Variants in MYOC observed in about 807,000 individuals in gnomAD.
The protein encoded by MYOC is myocilin, also known as juvenile-onset open-angle glaucoma 1.
A neutral mutation model predicts 28.2 loss-of-function variants in MYOC; 29 were observed. The ratio of observed to expected loss-of-function variants is 1.03; its 90% confidence interval spans 0.77 to 1.40. The LOEUF (loss-of-function observed/expected upper bound fraction) is 1.40. Ranked by LOEUF, MYOC falls within the 40% of genes most tolerant of loss-of-function variation. The pLI, the probability that MYOC is intolerant of heterozygous loss-of-function variation, is 0.00. For synonymous variants in MYOC, 240 were observed against 245.6 expected, an observed-to-expected ratio of 0.98 and a Z score of 0.21; for missense variants, 569 against 620.6, an observed-to-expected ratio of 0.92 and a Z score of 0.88.
At position 171,636,031 on chromosome 1, in the gene MYOC, C is replaced by T. The variant is rs750791099; in HGVS notation, c.1409G>A (p.Arg470His). The T allele has an allele frequency of 1.6e-5, 26 of 1,614,042 alleles. No homozygotes were observed. Among genetic ancestry groups the T allele is most frequent in the African/African-American group, 2.7e-5 (2 of 74,910 alleles). The part of the protein sequence containing the change: ...SKTLTIPFKN[R>H]YKYSSMIDYN... ...GTCAATCATGCTGCTGTACTTATAG[C>T]GGTTCTTGAATGGGATGGTCAGGGT... The change falls in exon 3 of 3, where the codon CGC (arginine) becomes CAC (histidine). Residue 470 changes from arginine (R) to histidine (H), a missense_variant. Transcript: ENST00000037502.
rs139122673 is a variant in MYOC at position 171,636,562 on chromosome 1, G to A, written c.878C>T (p.Thr293Met). The change falls in exon 3 of 3, where the codon ACG (threonine) becomes ATG (methionine). Residue 293 changes from threonine to methionine, a missense_variant. Transcript: ENST00000037502. ...ETTWRIDTVG[T>M]DVRQVFEYDL... ...ATACTCAAAAACCTGGCGGACATCC[G>A]TGCCAACTGTGTCGATTCTCCACGT... is the stretch of plus-strand genomic sequence containing the variant. 20 of 1,609,776 alleles carry A rather than the reference G, an allele frequency of 1.2e-5. No individual in the cohort carries two copies. The highest frequency in any genetic ancestry group is 1.7e-4 in the Middle Eastern group (1 of 6,060).
intron 1 of MYOC, 71 bp downstream of exon 1, chr1:171,651,937 A>T: frequency 1.2e-6 from 2 of 1,608,310 alleles, no homozygotes; most frequent in Non-Finnish European, 8.5e-7. Context: ...GGAGGCCTGG[A>T]GCGCCTGTAG....
intron 1 of MYOC, among the ~76,000 whole-genome samples, chr1:171,646,353 T>C (rs1351031531): frequency 6.6e-6 from 1 of 152,208 alleles, no homozygotes; most frequent in Non-Finnish European, 1.5e-5. Context: ...GTGTCAACAC[T>C]AAAATTTCTC....
At chr1:171,643,058 C>G (rs963770493) in intron 1 of MYOC, among the ~76,000 whole-genome samples, 1 of 152,116 alleles carries the variant, frequency 6.6e-6, no homozygotes. Context: ...TTATTTCATT[C>G]CCTGCGTCTC....
Position 171,636,190 on chromosome 1 carries a change from C to A in MYOC, c.1250G>T (p.Trp417Leu), listed in dbSNP as rs755824609. The A allele has an allele frequency of 1.1e-5, 17 of 1,614,132 alleles. No homozygotes were observed. The South Asian group carries it at 1.6e-4, about 16-fold the overall frequency. Residue 417 changes from tryptophan to leucine, a missense_variant, in exon 3 of 3, where the codon TGG becomes TTG. Transcript: ENST00000037502. ...NPENLELEQT[W>L]ETNIRKQSVA... Reference sequence around the variant, plus strand: ...TGACTGCTTACGGATGTTTGTCTCCCAGGTTTGTTCGAGTTCCAGATTCTC... The same window carrying A: ...TGACTGCTTACGGATGTTTGTCTCCAAGGTTTGTTCGAGTTCCAGATTCTC...
chr1:171,644,748 T>A (rs74511662), intron 1 of MYOC, among the ~76,000 whole-genome samples: 3,123 of 152,320 alleles, frequency 0.021, 57 homozygotes, highest in Middle Eastern at 0.065. Context: ...AGTTGAACTA[T>A]CGCTACTACT....
intron 1 of MYOC, among the ~76,000 whole-genome samples, chr1:171,650,830 A>G (rs1264826292): frequency 6.6e-6 from 1 of 152,088 alleles, no homozygotes; most frequent in Admixed American, 6.5e-5. Flanking sequence ...CTCATTATCT[A>G]TATATTTGCA....
chr1:171,635,711 A>T lies in MYOC; in HGVS notation c.*214T>A. 3.3e-6 allele frequency: 2 copies of T among 599,040 alleles called. No individual in the cohort carries two copies. Among genetic ancestry groups the T allele is most frequent in the Non-Finnish European group, 5.9e-6 (2 of 339,034 alleles). 37.1% of individuals were successfully genotyped at this position (599,040 alleles called of 1,614,324 possible). On this transcript the variant is annotated 3_prime_UTR_variant, in exon 3 of 3. Transcript: ENST00000037502. ...AACATCCCATAAATGCTGACAGAAG[A>T]TAAAGGATATTTATTATATGAAATT...
intron 1 of MYOC, among the ~76,000 whole-genome samples, chr1:171,649,622 CCT>C (rs1213704546): frequency 6.6e-6 from 1 of 152,116 alleles, no homozygotes; most frequent in African/African-American, 2.4e-5. Flanking sequence ...ATGGTGAAAC[CCT>C]GTCTCTACTA....
At chr1:171,643,538 A>G (rs924667973) in intron 1 of MYOC, 4 of 152,334 alleles carry the variant, frequency 2.6e-5, no homozygotes, top group Non-Finnish European at 5.9e-5. Context: ...AAGTCTTGCC[A>G]GGACAATTTT....
chr1:171,648,667 T>A (rs945441299), intron 1 of MYOC, among the ~76,000 whole-genome samples: 2 of 147,966 alleles, frequency 1.4e-5, no homozygotes, highest in African/African-American at 4.9e-5. Context: ...TATAATTATA[T>A]ATATTTATAT....
chr1:171,639,335 A>T (rs1272088922), intron 1 of MYOC, among the ~76,000 whole-genome samples: 4 of 152,184 alleles, frequency 2.6e-5, no homozygotes, highest in African/African-American at 9.7e-5. Context: ...TTGCAGGGCA[A>T]TGTGCCTACC....
chr1:171,651,986 T>A, intron 1 of MYOC, 22 bp downstream of exon 1: 1 of 1,613,656 alleles, frequency 6.2e-7, no homozygotes, highest in Non-Finnish European at 8.5e-7. Context: ...GAACTCAGAG[T>A]CCCCCCACTC....
At chr1:171,641,826 A>G (rs572791158) in intron 1 of MYOC, among the ~76,000 whole-genome samples, 1 of 152,202 alleles carries the variant, frequency 6.6e-6, no homozygotes, top group Non-Finnish European at 1.5e-5. Context: ...GAGCGCCTAC[A>G]CAGCCGAGAG....
Position 171,636,614 on chromosome 1 carries a change from G to A in MYOC, c.826C>T (p.Pro276Ser). The A allele has an allele frequency of 1.2e-6, 2 of 1,612,374 alleles. No homozygotes were observed. Among genetic ancestry groups the A allele is most frequent in the Non-Finnish European group, 1.7e-6 (2 of 1,179,564 alleles). Residue 276 changes from proline to serine, a missense_variant, in exon 3 of 3, where the codon CCC (proline) becomes TCC (serine). By Grantham distance (74) the Pro-to-Ser change is moderately conservative (BLOSUM62 -1). Coordinates refer to ENST00000037502, the MANE Select transcript of MYOC (RefSeq NM_000261.2). ...KYGVWMRDPKPTYPYTQETTW... is the reference protein window; with the variant it reads ...KYGVWMRDPKSTYPYTQETTW... ...GTCTCCTGGGTGTAGGGGTAGGTGG[G>A]CTTGGGGTCTCGCATCCACACACCA...
chr1:171,651,986 T>TC lies in MYOC; in HGVS notation c.604+21dup, dbSNP rs757737412. ...GCCATATCACCTGCTGAACTCAGAG[T>TC]CCCCCCACTCTGCATTCTTACCTTC... is the stretch of plus-strand genomic sequence containing the variant. On this transcript the variant is annotated intron_variant, in intron 1 of 2. Transcript: ENST00000037502. 28 of 1,613,538 alleles carry TC rather than the reference T, an allele frequency of 1.7e-5. No homozygotes were observed. The African/African-American group carries it at 3.2e-4, about 19-fold the overall frequency.
chr1:171,652,314 G>A lies in MYOC; in HGVS notation c.298C>T (p.His100Tyr). The stretch of plus-strand genomic sequence containing the variant: ...GCAGCCTGGTCCAAGGTCAATTGGT[G>A]GAGGAGGCTCTCCAGGGAGCTGAGT... ...ARLSSLESLL[H>Y]QLTLDQAARP... Residue 100 changes from histidine (H) to tyrosine (Y), a missense_variant, in exon 1 of 3, where the codon CAC becomes TAC. By Grantham distance (83) the His-to-Tyr change is moderately conservative (BLOSUM62 2). Transcript: ENST00000037502. The A allele has an allele frequency of 6.2e-7, 1 of 1,610,674 alleles. No individual in the cohort carries two copies. Among genetic ancestry groups the A allele is most frequent in the South Asian group, 1.1e-5 (1 of 90,876 alleles).
chr1:171,642,254 G>A (rs1653093599), intron 1 of MYOC, among the ~76,000 whole-genome samples: 1 of 152,206 alleles, frequency 6.6e-6, no homozygotes, highest in African/African-American at 2.4e-5. Flanking sequence ...TAATGCCCTG[G>A]AGGTGGGTGG....
At chr1:171,646,056 G>C (rs1250262706) in intron 1 of MYOC, among the ~76,000 whole-genome samples, 1 of 152,226 alleles carries the variant, frequency 6.6e-6, no homozygotes, top group Non-Finnish European at 1.5e-5. Context: ...CTTCTTCTAG[G>C]TCATGTCAGC....
Sources: allele counts gnomAD v4.1 joint callset (sites outside exome capture counted in the v4.1 genomes callset), GRCh38; gene constraint gnomAD v4.1.1; transcripts MANE v1.5; gene names NCBI Gene and HGNC (gene_info 2026-07-23, HGNC 2026-07-21).